The following CMSS1 variants were observed in gnomAD, a reference collection of about 807,000 sequenced individuals.
CMSS1 encodes the protein protein CMSS1.
CMSS1 carries 33 observed loss-of-function variants against 43.5 expected under a neutral mutation model. The ratio of observed to expected loss-of-function variants is 0.76; its 90% confidence interval spans 0.57 to 1.01. The LOEUF (loss-of-function observed/expected upper bound fraction) is 1.01, where lower values mean the gene tolerates loss of function less well. Ranked by LOEUF, CMSS1 falls within the 50% of genes least tolerant of loss-of-function variation. The pLI, the probability that CMSS1 is intolerant of heterozygous loss-of-function variation, is 0.00. For synonymous variants in CMSS1, 115 were observed against 117.2 expected, an observed-to-expected ratio of 0.98 and a Z score of 0.12; for missense variants, 313 against 326.4, an observed-to-expected ratio of 0.96 and a Z score of 0.32.
chr3:100,035,862 T>C (rs1300877902), intron 1 of CMSS1, among the ~76,000 whole-genome samples: 1 of 152,216 alleles, frequency 6.6e-6, no homozygotes, highest in Non-Finnish European at 1.5e-5. Context: ...TTGGATTCTT[T>C]GAAAGCAAAT....
intron 1 of CMSS1, among the ~76,000 whole-genome samples, chr3:100,003,824 A>C (rs1709910953): frequency 6.6e-6 from 1 of 152,198 alleles, no homozygotes. Flanking sequence ...TTCTATGTTG[A>C]AGTTGTATCA....
intron 1 of CMSS1, among the ~76,000 whole-genome samples, chr3:100,135,489 TG>T (rs2066746123): frequency 3.1e-5 from 4 of 128,914 alleles, no homozygotes; most frequent in Non-Finnish European, 6.7e-5. Context: ...TGTGTGTGTG[TG>T]TTTAAGAGAC....
intron 1 of CMSS1, among the ~76,000 whole-genome samples, chr3:99,878,516 T>C (rs1705614948): frequency 6.6e-6 from 1 of 152,248 alleles, no homozygotes; most frequent in African/African-American, 2.4e-5. Context: ...CTTCTCCTAA[T>C]AGTTTGTTCA....
intron 1 of CMSS1, among the ~76,000 whole-genome samples, chr3:100,077,431 G>A (rs1460983164): frequency 6.6e-6 from 1 of 152,164 alleles, no homozygotes; most frequent in Non-Finnish European, 1.5e-5. Flanking sequence ...CAAAAAAGGT[G>A]GTTAGCTATT....
chr3:100,021,532 A>G (rs1372161738), intron 1 of CMSS1, among the ~76,000 whole-genome samples: 1 of 152,196 alleles, frequency 6.6e-6, no homozygotes, highest in African/African-American at 2.4e-5. Context: ...TGCCAGAAAG[A>G]ACAGAGTCAA....
chr3:100,088,517 A>G (rs1197588498), intron 1 of CMSS1, among the ~76,000 whole-genome samples: 1 of 152,252 alleles, frequency 6.6e-6, no homozygotes, highest in East Asian at 1.9e-4. Flanking sequence ...TTTGTAGGAA[A>G]TGAATATTCT....
intron 1 of CMSS1, among the ~76,000 whole-genome samples, chr3:99,983,375 AAAATAAAT>A (rs201845792): frequency 7.8e-5 from 4 of 51,254 alleles, no homozygotes; most frequent in East Asian, 5.9e-4. Context: ...CTCTACTTAA[AAAATAAAT>A]AAATAAATAT....
intron 1 of CMSS1, among the ~76,000 whole-genome samples, chr3:100,013,045 G>A (rs1710208058): frequency 6.6e-6 from 1 of 151,582 alleles, no homozygotes; most frequent in Non-Finnish European, 1.5e-5. Flanking sequence ...TTTTTTGTTT[G>A]TTTGTTTTGT....
chr3:100,073,660 A>G (rs571948482), intron 1 of CMSS1, among the ~76,000 whole-genome samples: 18 of 152,302 alleles, frequency 1.2e-4, no homozygotes, highest in African/African-American at 4.3e-4. Context: ...CATGCCAGTA[A>G]TAAACCTTGA....
chr3:99,849,122 A>T (rs754626600), intron 1 of CMSS1: 2 of 1,614,082 alleles, frequency 1.2e-6, no homozygotes, highest in Middle Eastern at 1.7e-4. Context: ...CATGGAGTAG[A>T]CTGGCTGCAT....
chr3:100,131,857 T>C (rs1017790138), intron 1 of CMSS1, among the ~76,000 whole-genome samples: 3 of 152,162 alleles, frequency 2.0e-5, no homozygotes, highest in Admixed American at 6.6e-5. Context: ...TGGCAAGACA[T>C]TGGGACAATT....
intron 1 of CMSS1, among the ~76,000 whole-genome samples, chr3:99,947,757 T>C (rs951661720): frequency 2.0e-5 from 3 of 152,354 alleles, no homozygotes; most frequent in East Asian, 3.9e-4. Context: ...ATAGAAGGCA[T>C]GTATACTGCT....
chr3:100,062,324 A>C (rs1576007166), intron 1 of CMSS1, among the ~76,000 whole-genome samples: 1 of 151,300 alleles, frequency 6.6e-6, no homozygotes, highest in Non-Finnish European at 1.5e-5. Context: ...TGTTAGCCAG[A>C]ATGGTCTCGA....
intron 1 of CMSS1, among the ~76,000 whole-genome samples, chr3:99,879,030 T>A (rs1039405351): frequency 3.3e-5 from 5 of 152,244 alleles, no homozygotes; most frequent in African/African-American, 1.2e-4. Flanking sequence ...CTTCCTAACC[T>A]TGTTCTGTCC....
At chr3:100,101,944 A>G (rs1576062617) in intron 1 of CMSS1, among the ~76,000 whole-genome samples, 2 of 152,194 alleles carry the variant, frequency 1.3e-5, no homozygotes, top group East Asian at 1.9e-4. Flanking sequence ...TACAAAGGAC[A>G]TGAACTCATC....
chr3:100,038,131 T>C (rs1258138114), intron 1 of CMSS1, among the ~76,000 whole-genome samples: 1 of 152,066 alleles, frequency 6.6e-6, no homozygotes, highest in African/African-American at 2.4e-5. Flanking sequence ...AATTTTTGTA[T>C]TTTTAGTAGA....
At chr3:99,924,588 G>A (rs1158258390) in intron 1 of CMSS1, among the ~76,000 whole-genome samples, 1 of 152,088 alleles carries the variant, frequency 6.6e-6, no homozygotes, top group East Asian at 1.9e-4. Context: ...GCGCGATCTC[G>A]ACTCACTGCA....
At chr3:99,910,759 C>G (rs1706761772) in intron 1 of CMSS1, among the ~76,000 whole-genome samples, 1 of 83,504 alleles carries the variant, frequency 1.2e-5, no homozygotes, top group South Asian at 4.4e-4. Flanking sequence ...AACCCTCATG[C>G]AAGAAAGTAG....
At chr3:99,913,765 T>C (rs887443675) in intron 1 of CMSS1, among the ~76,000 whole-genome samples, 3 of 152,150 alleles carry the variant, frequency 2.0e-5, no homozygotes, top group Non-Finnish European at 2.9e-5. Context: ...CAAGATATAG[T>C]GTGAAAAAGC....
Sources: gnomAD v4.1 joint callset for allele counts (sites outside exome capture counted in the v4.1 genomes callset) on GRCh38, gnomAD v4.1.1 for gene constraint, MANE v1.5 for transcripts, NCBI Gene and HGNC (gene_info 2026-07-23, HGNC 2026-07-21) for gene names.